Variants in SNX13 observed in about 807,000 individuals in gnomAD.
The protein encoded by SNX13 is sorting nexin 13, also known as sorting nexin-13.
A neutral mutation model predicts 133.6 loss-of-function variants in SNX13; 45 were observed. That is an observed-to-expected ratio of 0.34 (90% CI 0.27 to 0.43). The LOEUF is 0.43. Among genes scored for constraint, SNX13 ranks in the 20% least tolerant of loss-of-function variants. SNX13 has a pLI of 1.00. For missense variants in SNX13, 1,032 were observed against 1,145.1 expected (o/e 0.90, Z 1.43); for synonymous variants, 414 against 373.9 (o/e 1.11, Z -1.24).
In SNX13 at chr7:17,826,703, A is replaced by G. The variant is rs536411795; in HGVS notation, c.1636-612T>C. ...GATAGATTTTAAATGATTAGTTTTC[A>G]AAAACAATTCCACAAACATAAATTC... On this transcript the variant is annotated intron_variant, in intron 16 of 25. Transcript: ENST00000428135. 2.0e-5 allele frequency among the ~76,000 whole-genome samples: 3 copies of G among 152,252 alleles called. No homozygotes were observed. In the East Asian group the frequency reaches 5.8e-4, roughly 29 times the overall value.
chr7:17,893,803 T>C (rs905813025), intron 2 of SNX13, among the ~76,000 whole-genome samples: 110 of 151,604 alleles, frequency 7.3e-4, no homozygotes, highest in African/African-American at 2.6e-3. Context: ...TGAAACCCCG[T>C]CTCTACTAAA....
intron 20 of SNX13, among the ~76,000 whole-genome samples, chr7:17,809,729 T>A (rs1454946541): frequency 1.3e-5 from 2 of 152,052 alleles, no homozygotes; most frequent in Non-Finnish European, 2.9e-5. Context: ...AGTAAAACAC[T>A]CCTCAGCAAA....
chr7:17,829,678 A>C (rs1295466246), intron 16 of SNX13, among the ~76,000 whole-genome samples: 2 of 151,376 alleles, frequency 1.3e-5, no homozygotes, highest in Admixed American at 1.3e-4. Flanking sequence ...CTTATTGCCT[A>C]TCATAGCAAT....
chr7:17,893,227 T>C, intron 3 of SNX13, 105 bp downstream of exon 3: 1 of 676,260 alleles, frequency 1.5e-6, no homozygotes, highest in Non-Finnish European at 2.5e-6. Context: ...CAGTGAGCAT[T>C]AGTAAACTAT....
chr7:17,895,969 A>T (rs1223159470), intron 2 of SNX13, among the ~76,000 whole-genome samples: 1 of 152,178 alleles, frequency 6.6e-6, no homozygotes, highest in Non-Finnish European at 1.5e-5. Flanking sequence ...CAATTAGTGA[A>T]ATTAGAAGAA....
At chr7:17,857,455 C>A (rs995214534) in intron 9 of SNX13, among the ~76,000 whole-genome samples, 1 of 152,134 alleles carries the variant, frequency 6.6e-6, no homozygotes, top group Non-Finnish European at 1.5e-5. Flanking sequence ...ACAAGCTCAT[C>A]CCTGATGAAC....
In SNX13 at chr7:17,850,370, T is replaced by G; in HGVS notation, c.1042A>C (p.Ile348Leu). ...LFVKKVCDSR[I>L]QRLQSGKEIN... ...ACTTTGCCTGACTGCAATCGCTGTA[T>G]TCTTGAGTCACATACCTTCTTTACG... Residue 348 changes from isoleucine to leucine, a missense_variant, in exon 11 of 26, where the codon ATA (isoleucine) becomes CTA (leucine). Ile to Leu is a conservative substitution (Grantham distance 5). Transcript: ENST00000428135. 3 of 1,598,128 alleles carry G rather than the reference T, an allele frequency of 1.9e-6. No individual in the cohort carries two copies. In the South Asian group the frequency reaches 3.4e-5, roughly 18 times the overall value.
At chr7:17,878,895 C>T (rs954786072) in intron 5 of SNX13, among the ~76,000 whole-genome samples, 2 of 152,108 alleles carry the variant, frequency 1.3e-5, no homozygotes, top group Non-Finnish European at 2.9e-5. Flanking sequence ...ACAGACTATT[C>T]CCTCTACCAA....
intron 1 of SNX13, among the ~76,000 whole-genome samples, chr7:17,931,047 A>G (rs1801338643): frequency 6.6e-6 from 1 of 152,208 alleles, no homozygotes. Context: ...CTGTCATTGT[A>G]GCCCATTTAT....
intron 19 of SNX13, 135 bp from the exon 20 acceptor site, chr7:17,815,079 C>G: frequency 1.1e-6 from 1 of 952,276 alleles, no homozygotes; most frequent in Non-Finnish European, 1.4e-6. Context: ...TTTAAAAACC[C>G]AATTATACAG....
intron 1 of SNX13, among the ~76,000 whole-genome samples, chr7:17,934,561 A>G (rs536650316): frequency 6.6e-6 from 1 of 152,344 alleles, no homozygotes; most frequent in African/African-American, 2.4e-5. Context: ...CAGAGATAAC[A>G]AAAACAGAAA....
intron 20 of SNX13, among the ~76,000 whole-genome samples, chr7:17,805,250 T>TGTGCGCGCGCGCGCGCGCGCGC: frequency 1.0e-5 from 1 of 95,560 alleles, no homozygotes; most frequent in Non-Finnish European, 2.5e-5. Context: ...TGTGTGTGTG[T>TGTGCGCGCGCGCGCGCGCGCGC]GCGTGCGCGC....
intron 15 of SNX13, among the ~76,000 whole-genome samples, chr7:17,833,624 A>C (rs1424700939): frequency 6.6e-6 from 1 of 151,724 alleles, no homozygotes; most frequent in African/African-American, 2.4e-5. Flanking sequence ...AGAATTTGGA[A>C]AAGTGTACAA....
chr7:17,802,545 A>G (rs1784749160), intron 21 of SNX13, among the ~76,000 whole-genome samples: 2 of 152,148 alleles, frequency 1.3e-5, no homozygotes, highest in Admixed American at 6.6e-5. Context: ...GTACAAATTC[A>G]TATGAGTAAT....
At chr7:17,876,227 C>G (rs1390890038) in intron 5 of SNX13, among the ~76,000 whole-genome samples, 3 of 152,172 alleles carry the variant, frequency 2.0e-5, no homozygotes, top group African/African-American at 7.2e-5. Context: ...TCTCCACATT[C>G]ATCTTTTTAG....
At chr7:17,896,690 T>C (rs550058446) in intron 2 of SNX13, among the ~76,000 whole-genome samples, 4 of 152,290 alleles carry the variant, frequency 2.6e-5, no homozygotes, top group African/African-American at 9.6e-5. Context: ...TTGGTAACAG[T>C]GTCTAACAAA....
intron 9 of SNX13, among the ~76,000 whole-genome samples, chr7:17,867,881 T>C (rs1286481955): frequency 6.6e-6 from 1 of 151,854 alleles, no homozygotes; most frequent in Non-Finnish European, 1.5e-5. Context: ...GAAAAAAAAA[T>C]AGGGCTTGTG....
intron 1 of SNX13, among the ~76,000 whole-genome samples, chr7:17,921,460 C>T (rs1298533173): frequency 1.3e-5 from 2 of 152,164 alleles, no homozygotes; most frequent in East Asian, 3.9e-4. Context: ...ACTTCCATAT[C>T]CCCGACAACT....
At position 17,792,216 on chromosome 7, in the gene SNX13, C is replaced by CT. The variant is rs1783616933; in HGVS notation, c.*1828_*1829insA. On this transcript the variant is annotated 3_prime_UTR_variant, in exon 26 of 26. Transcript: ENST00000428135. ...TGGCCATGCTGATGCTTCCTACAGACATGTTTCATGTTTCAAACATTTTCA... is the reference window on the plus strand; with the variant it reads ...TGGCCATGCTGATGCTTCCTACAGACTATGTTTCATGTTTCAAACATTTTCA... 6.6e-6 allele frequency: 1 copy of CT among 151,974 alleles called. No individual in the cohort carries two copies. Among genetic ancestry groups the CT allele is most frequent in the African/African-American group, 2.4e-5 (1 of 41,398 alleles). The allele number at this position is 151,974 out of a possible 1,614,324, so 9.4% of individuals were successfully genotyped here.
Sources: allele counts gnomAD v4.1 joint callset (sites outside exome capture counted in the v4.1 genomes callset), GRCh38; gene constraint gnomAD v4.1.1; transcripts MANE v1.5; gene names NCBI Gene and HGNC (gene_info 2026-07-23, HGNC 2026-07-21).